RANBP2: variants seen among roughly 807,000 people sequenced by gnomAD.
RANBP2 encodes the protein E3 SUMO-protein ligase RanBP2.
A neutral mutation model predicts 303.6 loss-of-function variants in RANBP2; 57 were observed. That is an observed-to-expected ratio of 0.19 (90% CI 0.15 to 0.23). The LOEUF is 0.23. Among genes scored for constraint, RANBP2 ranks in the 10% least tolerant of loss-of-function variants. The pLI is 1.00. For synonymous variants in RANBP2, 1,167 were observed against 1,301.5 expected (o/e 0.90, Z 2.23); for missense variants, 3,138 against 3,780.8 (o/e 0.83, Z 4.46).
chr2:108,770,366 TGAA>T (rs1447012075), intron 20 of RANBP2, among the ~76,000 whole-genome samples: 2 of 152,222 alleles, frequency 1.3e-5, no homozygotes, highest in African/African-American at 4.8e-5. Flanking sequence ...TTGTTTATAA[TGAA>T]GGAGAGGGAC....
the RANBP2 span, among the ~76,000 whole-genome samples, chr2:109,223,524 A>G: frequency 6.6e-6 from 1 of 152,284 alleles, no homozygotes. Flanking sequence ...AGCAGAATGG[A>G]AGCGTAGGAA....
the RANBP2 span, among the ~76,000 whole-genome samples, chr2:109,739,905 G>GTT: frequency 2.3e-5 from 3 of 130,930 alleles, no homozygotes; most frequent in Admixed American, 7.7e-5. Flanking sequence ...TCTATACCCA[G>GTT]TTTTTTTTTT....
chr2:108,772,838 TCG>T, intron 22 of RANBP2, 28 bp from the exon 23 acceptor site: 1 of 1,608,504 alleles, frequency 6.2e-7, no homozygotes, highest in Non-Finnish European at 8.5e-7. Flanking sequence ...TCATCTAATT[TCG>T]TTTGCTTGTG....
intron 18 of RANBP2, among the ~76,000 whole-genome samples, chr2:108,760,231 A>G (rs1676631685): frequency 6.6e-6 from 1 of 152,156 alleles, no homozygotes. Context: ...CCTTATTAAC[A>G]TTTCCTATAT....
chr2:109,449,566 G>A, the RANBP2 span: 42 of 1,515,302 alleles, frequency 2.8e-5, no homozygotes, highest in Non-Finnish European at 3.6e-5. Context: ...AGATGGCAGT[G>A]GCATTTGTGC....
chr2:109,021,476 T>C, the RANBP2 span, among the ~76,000 whole-genome samples: 1 of 142,276 alleles, frequency 7.0e-6, no homozygotes, highest in Admixed American at 7.5e-5. Flanking sequence ...TGAGCCGAGA[T>C]GGCGCCACTG....
chr2:109,022,419 A>G, the RANBP2 span, among the ~76,000 whole-genome samples: 23 of 152,302 alleles, frequency 1.5e-4, no homozygotes, highest in Admixed American at 1.4e-3. Flanking sequence ...GTTCTTGGGG[A>G]TCCAGGTGCT....
chr2:109,454,675 C>T, the RANBP2 span, among the ~76,000 whole-genome samples: 1 of 152,134 alleles, frequency 6.6e-6, no homozygotes, highest in African/African-American at 2.4e-5. Context: ...ATGGGATAAA[C>T]AGAATGAAAC....
At chr2:108,775,235 A>G (rs889763847) in intron 23 of RANBP2, among the ~76,000 whole-genome samples, 1 of 152,102 alleles carries the variant, frequency 6.6e-6, no homozygotes, top group Non-Finnish European at 1.5e-5. Flanking sequence ...TTCCTTCTGT[A>G]TATCATTCTC....
At chr2:109,621,350 A>G in the RANBP2 span, among the ~76,000 whole-genome samples, 1 of 151,800 alleles carries the variant, frequency 6.6e-6, no homozygotes, top group Non-Finnish European at 1.5e-5. Flanking sequence ...ACGGGGTTTC[A>G]CCATGTTGGC....
the RANBP2 span, among the ~76,000 whole-genome samples, chr2:109,546,937 T>C: frequency 6.6e-6 from 1 of 152,208 alleles, no homozygotes; most frequent in African/African-American, 2.4e-5. Context: ...GAGAGCAGAA[T>C]GTGCAGGACT....
At chr2:108,984,363 T>C in the RANBP2 span, among the ~76,000 whole-genome samples, 1 of 152,198 alleles carries the variant, frequency 6.6e-6, no homozygotes, top group Non-Finnish European at 1.5e-5. Flanking sequence ...TGAGCCACCA[T>C]GGCTGAACTT....
At chr2:109,642,093 T>C in the RANBP2 span, among the ~76,000 whole-genome samples, 1 of 134,484 alleles carries the variant, frequency 7.4e-6, no homozygotes, top group Non-Finnish European at 1.5e-5. Context: ...AGTGAACCAA[T>C]TTTTTTTGTA....
the RANBP2 span, among the ~76,000 whole-genome samples, chr2:109,721,687 C>T: frequency 7.2e-5 from 11 of 152,226 alleles, no homozygotes; most frequent in African/African-American, 2.7e-4. Flanking sequence ...TTAACTTTCC[C>T]ATTTCTTTCA....
At chr2:109,068,215 C>T in the RANBP2 span, among the ~76,000 whole-genome samples, 51 of 152,352 alleles carry the variant, frequency 3.3e-4, 5 homozygotes, top group East Asian at 9.8e-3. Context: ...CTGTTCTTCC[C>T]TCTAGAATGG....
chr2:109,488,483 C>T, the RANBP2 span, among the ~76,000 whole-genome samples: 21 of 152,186 alleles, frequency 1.4e-4, no homozygotes, highest in African/African-American at 4.8e-4. Context: ...GGCCCAGCTG[C>T]AGGGTCTCCC....
At chr2:109,668,171 G>A in the RANBP2 span, among the ~76,000 whole-genome samples, 1 of 152,242 alleles carries the variant, frequency 6.6e-6, no homozygotes, top group African/African-American at 2.4e-5. Flanking sequence ...TGCAATTGCA[G>A]GACCCGGGTT....
At chr2:109,112,067 A>G in the RANBP2 span, among the ~76,000 whole-genome samples, 1 of 151,804 alleles carries the variant, frequency 6.6e-6, no homozygotes, top group East Asian at 1.9e-4. Context: ...AGTCTTTGCT[A>G]TTGTGAATAG....
At chr2:109,678,686 T>C in the RANBP2 span, among the ~76,000 whole-genome samples, 1 of 152,246 alleles carries the variant, frequency 6.6e-6, no homozygotes, top group Non-Finnish European at 1.5e-5. Context: ...CCCAAGAATG[T>C]GCAGTGCATG....
Sources: gnomAD v4.1 joint callset for allele counts (sites outside exome capture counted in the v4.1 genomes callset) on GRCh38, gnomAD v4.1.1 for gene constraint, MANE v1.5 for transcripts, NCBI Gene and HGNC (gene_info 2026-07-23, HGNC 2026-07-21) for gene names.